HSDL1: variants seen among roughly 807,000 people sequenced by gnomAD.
HSDL1 encodes the protein inactive hydroxysteroid dehydrogenase-like protein 1.
Under a neutral mutation model 31.5 loss-of-function variants are expected in HSDL1, and 29 were observed. The observed-to-expected ratio is 0.92, with a 90% CI of 0.69 to 1.26. The LOEUF is 1.26. HSDL1 is among the 50% of genes most tolerant of loss of function. The pLI, the probability that HSDL1 is intolerant of heterozygous loss-of-function variation, is 0.00. For synonymous variants in HSDL1, 222 were observed against 155.2 expected, an observed-to-expected ratio of 1.43 and a Z score of -3.20; for missense variants, 503 against 416.6, an observed-to-expected ratio of 1.21 and a Z score of -1.81.
intron 5 of HSDL1, among the ~76,000 whole-genome samples, chr16:84,128,278 GAATTCC>G (rs2086628670): frequency 6.7e-6 from 1 of 149,496 alleles, no homozygotes; most frequent in African/African-American, 2.5e-5. Context: ...AACAAGAGCG[GAATTCC>G]ATCTCAAAAA....
chr16:84,139,321 A>C (rs1263967598), intron 1 of HSDL1: 1 of 152,406 alleles, frequency 6.6e-6, no homozygotes, highest in Non-Finnish European at 1.5e-5. Context: ...TAAGGGGGGC[A>C]GGAAGATCAA....
intron 2 of HSDL1, among the ~76,000 whole-genome samples, chr16:84,132,814 T>A (rs890376561): frequency 6.6e-6 from 1 of 151,750 alleles, no homozygotes; most frequent in Non-Finnish European, 1.5e-5. Flanking sequence ...AAAGACAAAA[T>A]ATCAAAACAA....
Position 84,130,060 on chromosome 16 carries a change from C to T in HSDL1, c.592G>A (p.Gly198Ser). ...CCAGAAGAGATCGTGACGATGGCAC[C>T]TTTCTTTCTCTCCACCATTCCCGGT... ...VLPGMVERKKGAIVTISSGSC... is the reference protein window; with the variant it reads ...VLPGMVERKKSAIVTISSGSC... The change falls in exon 4 of 6, where the codon GGT (glycine) becomes AGT (serine). Residue 198 changes from glycine to serine, a missense_variant. Physicochemically the swap from Gly to Ser is moderately conservative, Grantham distance 56. Transcript: ENST00000219439. The T allele has an allele frequency of 6.2e-7, 1 of 1,614,148 alleles. No homozygotes were observed.
At chr16:84,128,265 G>C (rs187864013) in intron 5 of HSDL1, among the ~76,000 whole-genome samples, 1 of 151,382 alleles carries the variant, frequency 6.6e-6, no homozygotes, top group Non-Finnish European at 1.5e-5. Flanking sequence ...CTCCAGCCTG[G>C]GCAACAAGAG....
At chr16:84,142,462 G>C (rs1347717550) in intron 1 of HSDL1, among the ~76,000 whole-genome samples, 1 of 104,100 alleles carries the variant, frequency 9.6e-6, no homozygotes, top group Middle Eastern at 9.8e-3. Context: ...TTGAGACAGA[G>C]TCTCACTCTG....
chr16:84,135,966 G>A (rs1382425094), intron 1 of HSDL1, among the ~76,000 whole-genome samples: 2 of 152,236 alleles, frequency 1.3e-5, no homozygotes, highest in African/African-American at 2.4e-5. Flanking sequence ...GCCGGCATCG[G>A]GGAAGAGAGC....
In HSDL1 at chr16:84,122,593, C is replaced by T. The variant is rs1288065517; in HGVS notation, c.*2037G>A. 6.6e-6 allele frequency: 1 copy of T among 152,262 alleles called. No individual in the cohort carries two copies. Among genetic ancestry groups the T allele is most frequent in the African/African-American group, 2.4e-5 (1 of 41,454 alleles). The allele number at this position is 152,262 out of a possible 1,614,324, so 9.4% of individuals were successfully genotyped here. On this transcript the variant is annotated 3_prime_UTR_variant, in exon 6 of 6. Transcript: ENST00000219439. ...TCTCGACCTCCTGGGATCAAGCGAT[C>T]CACCTGCCCTGGCCTTCCAAACTGC...
intron 2 of HSDL1, among the ~76,000 whole-genome samples, chr16:84,132,219 C>A (rs993721441): frequency 6.6e-6 from 1 of 152,184 alleles, no homozygotes; most frequent in Non-Finnish European, 1.5e-5. Context: ...ACATGTATTT[C>A]TTTGCTTTAT....
At chr16:84,142,084 G>A (rs1380503912) in intron 1 of HSDL1, among the ~76,000 whole-genome samples, 1 of 151,936 alleles carries the variant, frequency 6.6e-6, no homozygotes, top group Non-Finnish European at 1.5e-5. Flanking sequence ...GTACCACCAA[G>A]CCCAGTTAAA....
At chr16:84,132,905 T>C (rs983700303) in intron 2 of HSDL1, among the ~76,000 whole-genome samples, 3 of 150,828 alleles carry the variant, frequency 2.0e-5, no homozygotes, top group Non-Finnish European at 4.4e-5. Flanking sequence ...AAAAAGAACA[T>C]GATTTTAAGC....
chr16:84,131,470 G>A, intron 2 of HSDL1, 143 bp from the exon 3 acceptor site: 1 of 628,700 alleles, frequency 1.6e-6, no homozygotes, highest in Non-Finnish European at 2.9e-6. Context: ...AATGTACGTG[G>A]CTCACAGTTT....
In HSDL1 at chr16:84,129,633, G is replaced by A; in HGVS notation, c.809C>T (p.Pro270Leu). The A allele has an allele frequency of 4.3e-6, 7 of 1,614,194 alleles. No homozygotes were observed. The highest frequency in any genetic ancestry group is 4.2e-6 in the Non-Finnish European group (5 of 1,180,032). Residue 270 changes from proline to leucine, a missense_variant, in exon 5 of 6, where the codon CCT (proline) becomes CTT (leucine). By Grantham distance (98) the Pro-to-Leu change is moderately conservative. Transcript: ENST00000219439. ...ATGATGTGCATAGACTTTTGGCGAA[G>A]GCACCAACCACGAGCACCTGTGCAG... ...NFLHRCSWLV[P>L]SPKVYAHHAV... is the part of the protein sequence containing the mutation.
chr16:84,139,335 G>T (rs1208109041), intron 1 of HSDL1: 4 of 152,454 alleles, frequency 2.6e-5, no homozygotes, highest in Non-Finnish European at 4.4e-5. Context: ...AGATCAAAGA[G>T]AGAGAGCCAT....
intron 5 of HSDL1, chr16:84,125,326 T>C (rs1352607066): frequency 8.6e-6 from 1 of 116,768 alleles, no homozygotes; most frequent in Non-Finnish European, 1.7e-5. Context: ...CACCAATCAA[T>C]CACAACAAAT....
chr16:84,133,654 G>A (rs760632490), intron 2 of HSDL1, among the ~76,000 whole-genome samples: 25 of 152,160 alleles, frequency 1.6e-4, no homozygotes, highest in African/African-American at 4.8e-4. Context: ...GCTTGAACCC[G>A]GGAGGAGGAA....
At chr16:84,142,802 T>A (rs531796519) in intron 1 of HSDL1, among the ~76,000 whole-genome samples, 21 of 152,140 alleles carry the variant, frequency 1.4e-4, no homozygotes, top group Non-Finnish European at 2.5e-4. Flanking sequence ...ATAAACAGAA[T>A]CAAATACTGC....
In HSDL1 at chr16:84,124,233, TAAAA is replaced by T; in HGVS notation, c.*393_*396del. On this transcript the variant is annotated 3_prime_UTR_variant, in exon 6 of 6. Coordinates refer to ENST00000219439, the MANE Select transcript of HSDL1 (RefSeq NM_031463.5). ...TCAGTAGTCTTTCTTGATGCACATT[TAAAA>T]ACCAGCACAACTCCTCTAGTGAAAT... 6.0e-6 allele frequency: 1 copy of T among 166,588 alleles called. No individual in the cohort carries two copies. Among genetic ancestry groups the T allele is most frequent in the South Asian group, 1.6e-4 (1 of 6,328 alleles). The allele number at this position is 166,588 out of a possible 1,614,324, so 10.3% of individuals were successfully genotyped here. A position where few individuals can be genotyped will look rare whatever the true frequency, so the allele number is the denominator to read the frequency against.
rs867267148 is a variant in HSDL1, at chr16:84,123,879, A to G, written c.*751T>C. 6.6e-6 allele frequency: 1 copy of G among 152,204 alleles called. No homozygotes were observed. The highest frequency in any genetic ancestry group is 2.4e-5 in the African/African-American group (1 of 41,446). The allele number at this position is 152,204 out of a possible 1,614,324, so 9.4% of individuals were successfully genotyped here. On this transcript the variant is annotated 3_prime_UTR_variant, in exon 6 of 6. Transcript: ENST00000219439. ...TCCATAGCAGATTTGAAAAAACACA[A>G]ATATAATGTAGGAAGTAATATCATT...
chr16:84,129,528 G>A lies in HSDL1; in HGVS notation c.894+20C>T, dbSNP rs1029788331. 20 of 1,538,384 alleles carry A rather than the reference G, an allele frequency of 1.3e-5. No individual in the cohort carries two copies. Among genetic ancestry groups the A allele is most frequent in the Non-Finnish European group, 1.8e-5 (20 of 1,110,922 alleles). On this transcript the variant is annotated intron_variant, in intron 5 of 5. Coordinates refer to ENST00000219439, the MANE Select transcript of HSDL1 (RefSeq NM_031463.5). ...TCATGATGCATTAATCTAATTATGA[G>A]ACCTGAAGCACACTCCTACCTGAAT...
Sources: gnomAD v4.1 joint callset for allele counts (sites outside exome capture counted in the v4.1 genomes callset) on GRCh38, gnomAD v4.1.1 for gene constraint, MANE v1.5 for transcripts, NCBI Gene and HGNC (gene_info 2026-07-23, HGNC 2026-07-21) for gene names.